Variants in KALRN observed in about 807,000 individuals in gnomAD.
KALRN encodes kalirin.
Under a neutral mutation model 353.7 loss-of-function variants are expected in KALRN, and 70 were observed. The observed-to-expected ratio is 0.20, with a 90% CI of 0.16 to 0.24. The LOEUF (loss-of-function observed/expected upper bound fraction) is 0.24, where lower values mean the gene tolerates loss of function less well. Among genes scored for constraint, KALRN ranks in the 10% least tolerant of loss-of-function variants. The pLI is 1.00. For synonymous variants in KALRN, 1,391 were observed against 1,434.8 expected (o/e 0.97, Z 0.69); for missense variants, 2,791 against 3,756.7 (o/e 0.74, Z 6.72).
intron 1 of KALRN, among the ~76,000 whole-genome samples, chr3:124,129,862 G>A (rs1039600605): frequency 4.6e-5 from 7 of 152,104 alleles, no homozygotes; most frequent in Non-Finnish European, 8.8e-5. Context: ...GGGTTGGATG[G>A]GTAAAGTGAG....
intron 23 of KALRN, 95 bp from the exon 24 acceptor site, chr3:124,461,795 A>G (rs1054094288): frequency 2.4e-6 from 2 of 849,754 alleles, no homozygotes; most frequent in Admixed American, 2.2e-5. Context: ...TAAGACATTT[A>G]AGAATGTCAT....
intron 10 of KALRN, among the ~76,000 whole-genome samples, chr3:124,379,452 T>C (rs941914875): frequency 2.6e-5 from 4 of 152,210 alleles, no homozygotes; most frequent in Non-Finnish European, 5.9e-5. Flanking sequence ...TTGTCAGTTG[T>C]GGATATTTCT....
At chr3:124,546,688 T>C (rs2109431553) in intron 33 of KALRN, among the ~76,000 whole-genome samples, 1 of 152,250 alleles carries the variant, frequency 6.6e-6, no homozygotes, top group African/African-American at 2.4e-5. Context: ...TGGATCCATC[T>C]TAGATGCAGC....
intron 37 of KALRN, among the ~76,000 whole-genome samples, chr3:124,642,966 C>T (rs923595876): frequency 6.6e-6 from 1 of 151,742 alleles, no homozygotes; most frequent in Non-Finnish European, 1.5e-5. Flanking sequence ...AACAGGCATG[C>T]GCCACCACAC....
At chr3:124,402,621 C>T (rs975888209) in intron 13 of KALRN, among the ~76,000 whole-genome samples, 1 of 152,114 alleles carries the variant, frequency 6.6e-6, no homozygotes, top group Non-Finnish European at 1.5e-5. Flanking sequence ...CAGTGGTCTC[C>T]AAACATTTTT....
intron 1 of KALRN, among the ~76,000 whole-genome samples, chr3:124,045,895 T>G (rs1252557711): frequency 6.6e-6 from 1 of 152,138 alleles, no homozygotes; most frequent in Non-Finnish European, 1.5e-5. Flanking sequence ...GAGAGAGTGC[T>G]TGGGCTGAAA....
intron 1 of KALRN, among the ~76,000 whole-genome samples, chr3:124,137,129 C>A (rs922598290): frequency 3.9e-5 from 6 of 152,124 alleles, no homozygotes; most frequent in Non-Finnish European, 7.4e-5. Flanking sequence ...TCTGGAGGGA[C>A]GTGCTTGTTA....
Position 124,264,517 on chromosome 3 carries a change from G to A in KALRN, c.283G>A (p.Gly95Ser), listed in dbSNP as rs765392431. Residue 95 changes from glycine (G) to serine (S), a missense_variant, in exon 4 of 60, where the codon GGC becomes AGC. Physicochemically the swap from Gly to Ser is moderately conservative, Grantham distance 56. Coordinates refer to ENST00000682506, the MANE Select transcript of KALRN (RefSeq NM_001388419.1). ...CCACAGTGAGGACGTGTGCAAACGT[G>A]GCTTCACTGTCATCATCGACATGCG... is the stretch of plus-strand genomic sequence containing the variant. ...SVPSEDVCKR[G>S]FTVIIDMRGS... 12 of 1,613,974 alleles carry A rather than the reference G, an allele frequency of 7.4e-6. No individual in the cohort carries two copies. Among genetic ancestry groups the A allele is most frequent in the Non-Finnish European group, 1.0e-5 (12 of 1,179,982 alleles).
intron 33 of KALRN, among the ~76,000 whole-genome samples, chr3:124,535,288 C>T (rs1442777124): frequency 1.3e-5 from 2 of 152,042 alleles, no homozygotes; most frequent in Admixed American, 1.3e-4. Flanking sequence ...TCACAAAACT[C>T]AGTCATCATC....
intron 1 of KALRN, among the ~76,000 whole-genome samples, chr3:124,220,005 C>T (rs1053808863): frequency 2.0e-5 from 3 of 151,636 alleles, no homozygotes; most frequent in East Asian, 3.9e-4. Flanking sequence ...AGTGCAGTGG[C>T]GTGATCTCTG....
rs183526118 is a variant in KALRN at position 124,231,667 on chromosome 3, A to C, written c.149-3162A>C. On this transcript the variant is annotated intron_variant, in intron 2 of 59. Coordinates refer to ENST00000682506, the MANE Select transcript of KALRN (RefSeq NM_001388419.1). Reference sequence around the variant, plus strand: ...AGAATTACAATATCCATTAAAATACATTAACATTTTAAGGCTCTGGGAAGT... The same window carrying C: ...AGAATTACAATATCCATTAAAATACCTTAACATTTTAAGGCTCTGGGAAGT... 1.2e-4 allele frequency among the ~76,000 whole-genome samples: 18 copies of C among 152,220 alleles called. No homozygotes were observed. The South Asian group carries it at 1.7e-3, about 14-fold the overall frequency.
intron 33 of KALRN, among the ~76,000 whole-genome samples, chr3:124,542,071 C>A (rs561692193): frequency 3.0e-4 from 46 of 152,244 alleles, no homozygotes; most frequent in Admixed American, 2.0e-3. Context: ...AATGGACTGG[C>A]GTTATGTGAT....
At chr3:124,146,874 CAAAAAA>C (rs34633708) in intron 1 of KALRN, among the ~76,000 whole-genome samples, 3 of 49,924 alleles carry the variant, frequency 6.0e-5, no homozygotes, top group South Asian at 1.3e-3. Flanking sequence ...GACTCTGTCT[CAAAAAA>C]AAAAAAAAAA....
At chr3:124,230,409 A>T (rs2079012366) in intron 2 of KALRN, among the ~76,000 whole-genome samples, 1 of 152,070 alleles carries the variant, frequency 6.6e-6, no homozygotes, top group South Asian at 2.1e-4. Flanking sequence ...ATTCCACATC[A>T]GTTTGGGGCA....
intron 25 of KALRN, among the ~76,000 whole-genome samples, chr3:124,474,061 T>C (rs954177863): frequency 6.6e-6 from 1 of 152,208 alleles, no homozygotes; most frequent in African/African-American, 2.4e-5. Context: ...ATGGCACAGA[T>C]ATCCACACTG....
chr3:124,253,112 G>T (rs1477059096), intron 3 of KALRN, among the ~76,000 whole-genome samples: 8 of 152,320 alleles, frequency 5.3e-5, no homozygotes, highest in African/African-American at 1.7e-4. Flanking sequence ...GGGGCAATCA[G>T]CAGAAGTACA....
chr3:124,492,643 T>G, intron 31 of KALRN, 97 bp from the exon 32 acceptor site: 1 of 1,299,490 alleles, frequency 7.7e-7, no homozygotes, highest in Non-Finnish European at 1.1e-6. Context: ...TTGGAATCCT[T>G]GAAAATAACA....
chr3:124,699,045 T>C (rs2062195477), intron 55 of KALRN, among the ~76,000 whole-genome samples: 1 of 152,190 alleles, frequency 6.6e-6, no homozygotes, highest in South Asian at 2.1e-4. Flanking sequence ...CCAAAACCAT[T>C]TGTTTTATTC....
At chr3:124,653,661 A>G (rs980451370) in intron 38 of KALRN, among the ~76,000 whole-genome samples, 7 of 152,240 alleles carry the variant, frequency 4.6e-5, no homozygotes, top group African/African-American at 1.2e-4. Context: ...AGCCAGTGCA[A>G]TGAATCTAAG....
Sources: gnomAD v4.1 joint callset for allele counts (sites outside exome capture counted in the v4.1 genomes callset) on GRCh38, gnomAD v4.1.1 for gene constraint, MANE v1.5 for transcripts, NCBI Gene and HGNC (gene_info 2026-07-23, HGNC 2026-07-21) for gene names.